The following ADCY1 variants were observed in gnomAD, a reference collection of about 807,000 sequenced individuals.
ADCY1 encodes adenylate cyclase type 1.
Under a neutral mutation model 105.4 loss-of-function variants are expected in ADCY1, and 28 were observed. The observed-to-expected ratio is 0.27, with a 90% CI of 0.20 to 0.36. The LOEUF is 0.36. Ranked by LOEUF, ADCY1 falls within the 10% of genes least tolerant of loss-of-function variation. The pLI is 1.00. For missense variants in ADCY1, 977 were observed against 1,434.2 expected, an observed-to-expected ratio of 0.68 and a Z score of 5.15; for synonymous variants, 655 against 623.8, an observed-to-expected ratio of 1.05 and a Z score of -0.75.
chr7:45,689,548 TCTGA>T (rs1241584737), intron 14 of ADCY1, among the ~76,000 whole-genome samples: 13 of 152,128 alleles, frequency 8.5e-5, no homozygotes, highest in African/African-American at 2.2e-4. Context: ...TTGCGAGAAC[TCTGA>T]CTATCGCGAG....
At chr7:45,639,096 A>G (rs1489298072) in intron 4 of ADCY1, among the ~76,000 whole-genome samples, 1 of 152,204 alleles carries the variant, frequency 6.6e-6, no homozygotes, top group Non-Finnish European at 1.5e-5. Flanking sequence ...ACACAGCTAC[A>G]GTCCAAACAT....
chr7:45,653,600 G>C (rs1366597582), intron 5 of ADCY1, among the ~76,000 whole-genome samples: 1 of 152,170 alleles, frequency 6.6e-6, no homozygotes, highest in Non-Finnish European at 1.5e-5. Context: ...GAAAGAAGGG[G>C]GCATTTTCTC....
chr7:45,699,851 G>T (rs1784962917), intron 14 of ADCY1, among the ~76,000 whole-genome samples: 1 of 152,156 alleles, frequency 6.6e-6, no homozygotes, highest in African/African-American at 2.4e-5. Flanking sequence ...TACAGCAAGA[G>T]GATCATGTCA....
chr7:45,594,030 CA>C, intron 2 of ADCY1, among the ~76,000 whole-genome samples: 1 of 152,232 alleles, frequency 6.6e-6, no homozygotes, highest in East Asian at 1.9e-4. Context: ...TGCCTCTGTA[CA>C]TGTGTGCATG....
rs1438626353 is a variant in ADCY1, at chr7:45,708,067, G to T, written c.2818-283G>T. On this transcript the variant is annotated intron_variant, in intron 17 of 19. Transcript: ENST00000297323. This position sits in a 1 kb window ranked among gnomAD's most constrained non-coding sequence, Gnocchi z 4.7. ...CATTAGCAACGCTGTCCAAGCAGGA[G>T]TTTGAGCACCTGGTCTCCCACTCAA... Among the ~76,000 whole-genome samples, 2 of 152,182 alleles carry T rather than the reference G, an allele frequency of 1.3e-5. No individual in the cohort carries two copies. Among genetic ancestry groups the T allele is most frequent in the Non-Finnish European group, 2.9e-5 (2 of 68,030 alleles).
chr7:45,679,934 A>G, intron 11 of ADCY1, 141 bp downstream of exon 11: 1 of 834,858 alleles, frequency 1.2e-6, no homozygotes, highest in South Asian at 1.3e-5. Context: ...TTGTTCAGGT[A>G]TGTGGGTGGC....
rs1376217038 is a variant in ADCY1 at position 45,708,799 on chromosome 7, A to C, written c.2932+335A>C. Among the ~76,000 whole-genome samples, 1 of 152,198 alleles carries C rather than the reference A, an allele frequency of 6.6e-6. No homozygotes were observed. Among genetic ancestry groups the C allele is most frequent in the Non-Finnish European group, 1.5e-5 (1 of 68,024 alleles). On this transcript the variant is annotated intron_variant, in intron 18 of 19. Coordinates refer to ENST00000297323, the MANE Select transcript of ADCY1 (RefSeq NM_021116.4). This position sits in a 1 kb window ranked among gnomAD's most constrained non-coding sequence, Gnocchi z 4.7. ...CCCTGTTCGCCAGCCACGGCTACAT[A>C]GTTGAGGCCACATGGGCTGTCCAGA...
At chr7:45,654,285 A>T (rs1794885171) in intron 5 of ADCY1, among the ~76,000 whole-genome samples, 1 of 152,224 alleles carries the variant, frequency 6.6e-6, no homozygotes. Flanking sequence ...TTTGAACAGG[A>T]ACCTCATTCT....
chr7:45,596,918 A>C (rs1420074844), intron 2 of ADCY1, among the ~76,000 whole-genome samples: 1 of 152,130 alleles, frequency 6.6e-6, no homozygotes, highest in Non-Finnish European at 1.5e-5. Context: ...GAGCAGACAC[A>C]CTGGGGAGTT....
intron 5 of ADCY1, among the ~76,000 whole-genome samples, chr7:45,657,453 A>G (rs935546874): frequency 1.3e-5 from 2 of 152,226 alleles, no homozygotes; most frequent in Non-Finnish European, 2.9e-5. Context: ...CTAGGAGGCC[A>G]TGAATGGAAC....
At chr7:45,689,434 T>C (rs10256378) in intron 14 of ADCY1, among the ~76,000 whole-genome samples, 23,653 of 152,012 alleles carry the variant, frequency 0.16, 2,352 homozygotes, top group Non-Finnish European at 0.21. Context: ...CTCAGGGAGC[T>C]TTTACTCATA....
chr7:45,699,759 G>A (rs2471276), intron 14 of ADCY1, among the ~76,000 whole-genome samples: 3 of 152,140 alleles, frequency 2.0e-5, no homozygotes, highest in East Asian at 1.9e-4. Flanking sequence ...GCTAGGTTGC[G>A]CAGCAGTCGC....
intron 4 of ADCY1, among the ~76,000 whole-genome samples, chr7:45,636,761 G>A (rs1194312849): frequency 3.9e-5 from 6 of 152,144 alleles, no homozygotes; most frequent in African/African-American, 1.2e-4. Flanking sequence ...GGCTGGTCTC[G>A]AACTTCTGAC....
rs181158094 is a variant in ADCY1, at chr7:45,656,235, G to A, written c.1149-1492G>A. ...GGAGAATGGTGTGAACCCGGGAGGC[G>A]GAGCTTGCAGTGAGGGGAGATAGCG... On this transcript the variant is annotated intron_variant, in intron 5 of 19. Transcript: ENST00000297323. Among the ~76,000 whole-genome samples, 265 of 152,124 alleles carry A rather than the reference G, an allele frequency of 1.7e-3. 1 individual carries two copies. The highest frequency in any genetic ancestry group is 8.5e-3 in the Admixed American group (130 of 15,290).
intron 4 of ADCY1, among the ~76,000 whole-genome samples, chr7:45,637,726 G>C (rs1203356796): frequency 3.3e-5 from 5 of 152,176 alleles, no homozygotes; most frequent in African/African-American, 1.2e-4. Context: ...CCCTATGTGT[G>C]AAAAGATAAA....
At chr7:45,614,746 A>G (rs1793692023) in intron 3 of ADCY1, among the ~76,000 whole-genome samples, 1 of 152,240 alleles carries the variant, frequency 6.6e-6, no homozygotes, top group Non-Finnish European at 1.5e-5. Context: ...TTGTATCAGA[A>G]AAAAGGGACT....
At chr7:45,615,809 T>C (rs1286802083) in intron 3 of ADCY1, among the ~76,000 whole-genome samples, 1 of 147,214 alleles carries the variant, frequency 6.8e-6, no homozygotes, top group East Asian at 2.0e-4. Flanking sequence ...AAAGAACATA[T>C]TAAGCCCAAA....
rs56808890 is a variant in ADCY1 at position 45,641,932 on chromosome 7, C to CA, written c.1021-6724dup. On this transcript the variant is annotated intron_variant, in intron 4 of 19. Transcript: ENST00000297323. ...TGGGCGACAGAGCGAGACTCCGTCTCAAAAAAAAAAAAAATGTCTTTTCAT... is the reference window on the plus strand; with the variant it reads ...TGGGCGACAGAGCGAGACTCCGTCTCAAAAAAAAAAAAAAATGTCTTTTCAT... Among the ~76,000 whole-genome samples, 33 of 36,400 alleles carry CA rather than the reference C, an allele frequency of 9.1e-4. 9 individuals are homozygous for CA. The East Asian group carries it at 0.019, about 20-fold the overall frequency. 23.9% of individuals were successfully genotyped at this position (36,400 alleles called of 152,430 possible).
At chr7:45,691,297 G>C (rs535733370) in intron 14 of ADCY1, among the ~76,000 whole-genome samples, 1 of 152,314 alleles carries the variant, frequency 6.6e-6, no homozygotes, top group African/African-American at 2.4e-5. Flanking sequence ...CACAAGAAAG[G>C]GTTGCCCACA....
Sources: allele counts gnomAD v4.1 joint callset (sites outside exome capture counted in the v4.1 genomes callset), GRCh38; gene constraint gnomAD v4.1.1; non-coding constraint Gnocchi (gnomAD v3.1); transcripts MANE v1.5; gene names NCBI Gene and HGNC (gene_info 2026-07-23, HGNC 2026-07-21).